The following HPCAL1 variants were observed in gnomAD, a reference collection of about 807,000 sequenced individuals.
HPCAL1 encodes the protein hippocalcin-like protein 1.
A neutral mutation model predicts 17.1 loss-of-function variants in HPCAL1; 8 were observed. That is an observed-to-expected ratio of 0.47 (90% CI 0.27 to 0.84). The LOEUF is 0.84. Among genes scored for constraint, HPCAL1 ranks in the 40% least tolerant of loss-of-function variants. HPCAL1 has a pLI of 0.13. For synonymous variants in HPCAL1, 112 were observed against 111.4 expected (o/e 1.01, Z -0.03); for missense variants, 165 against 271.1 (o/e 0.61, Z 2.75).
chr2:10,377,705 C>T lies in HPCAL1; in HGVS notation c.-110-19130C>T, dbSNP rs1231214954. ...ACTCTGAGGGCAGACCCTGGCCGGG[C>T]ACCAAGATACAAAAGGTTATGAGGG... On this transcript the variant is annotated intron_variant, in intron 1 of 4. Transcript: ENST00000307845. This position sits in a 1 kb window ranked among gnomAD's most constrained non-coding sequence, Gnocchi z 5.9. Among the ~76,000 whole-genome samples the T allele has an allele frequency of 1.3e-5, 2 of 152,076 alleles. No homozygotes were observed. Among genetic ancestry groups the T allele is most frequent in the Admixed American group, 6.5e-5 (1 of 15,276 alleles).
At chr2:10,345,551 G>A in intron 1 of HPCAL1, among the ~76,000 whole-genome samples, 1 of 151,006 alleles carries the variant, frequency 6.6e-6, no homozygotes, top group East Asian at 1.9e-4. Context: ...TGACTTCCCA[G>A]GCCCAAGCGA....
At chr2:10,366,392 C>T (rs1055280617) in intron 1 of HPCAL1, among the ~76,000 whole-genome samples, 18 of 152,182 alleles carry the variant, frequency 1.2e-4, no homozygotes, top group African/African-American at 4.3e-4. Context: ...CCCGCCACCA[C>T]ACCCAGCTAA....
chr2:10,410,568 A>G (rs904346857), intron 2 of HPCAL1, among the ~76,000 whole-genome samples: 10 of 150,826 alleles, frequency 6.6e-5, no homozygotes, highest in Non-Finnish European at 1.0e-4. Context: ...GTGAATTACA[A>G]CGTCATCTCT....
chr2:10,353,575 T>A (rs1157280714), intron 1 of HPCAL1, among the ~76,000 whole-genome samples: 2 of 152,238 alleles, frequency 1.3e-5, no homozygotes, highest in African/African-American at 2.4e-5. Flanking sequence ...TTAAATTTTT[T>A]AAATTTTTTT....
chr2:10,379,229 A>G (rs1250841505), intron 1 of HPCAL1, among the ~76,000 whole-genome samples: 3 of 151,976 alleles, frequency 2.0e-5, no homozygotes, highest in Non-Finnish European at 4.4e-5. Flanking sequence ...TTTGAAGTCC[A>G]GCCTTGCAGC....
At chr2:10,314,245 A>G (rs1438030680) in intron 1 of HPCAL1, among the ~76,000 whole-genome samples, 1 of 152,090 alleles carries the variant, frequency 6.6e-6, no homozygotes, top group African/African-American at 2.4e-5. Context: ...GAAACTGATA[A>G]CATTGAGGAA....
chr2:10,325,556 GCAGGTTTCCA>G (rs58483407), intron 1 of HPCAL1, among the ~76,000 whole-genome samples: 101,788 of 152,028 alleles, frequency 0.67, 34,357 homozygotes, highest in East Asian at 0.91. Context: ...CCTGCTCAGA[GCAGGTTTCCA>G]GCAACCTTCC....
chr2:10,374,750 G>A (rs987461918), intron 1 of HPCAL1, among the ~76,000 whole-genome samples: 5 of 152,254 alleles, frequency 3.3e-5, no homozygotes, highest in African/African-American at 4.8e-5. Flanking sequence ...ACCCTACGGC[G>A]TAGAGGAGGC....
In HPCAL1 at chr2:10,422,250, A is replaced by G. The variant is rs548255110; in HGVS notation, c.379-733A>G. On this transcript the variant is annotated intron_variant, in intron 3 of 4. Coordinates refer to ENST00000307845, the MANE Select transcript of HPCAL1 (RefSeq NM_002149.4). The stretch of plus-strand genomic sequence containing the variant: ...TGCTACCTCTTTCTCACAATGAGAA[A>G]ATGGTCTGTTGTCAGGAATGAGAAT... Among the ~76,000 whole-genome samples, 3 of 152,276 alleles carry G rather than the reference A, an allele frequency of 2.0e-5. No individual in the cohort carries two copies. In the South Asian group the frequency reaches 6.2e-4, roughly 32 times the overall value.
intron 1 of HPCAL1, among the ~76,000 whole-genome samples, chr2:10,364,568 C>A: frequency 6.6e-6 from 1 of 151,930 alleles, no homozygotes; most frequent in Non-Finnish European, 1.5e-5. Flanking sequence ...ACGGCCTCCT[C>A]TCCTAAGCTC....
intron 1 of HPCAL1, among the ~76,000 whole-genome samples, chr2:10,325,965 A>C (rs1663985742): frequency 6.6e-6 from 1 of 152,198 alleles, no homozygotes; most frequent in African/African-American, 2.4e-5. Context: ...TCTATGCAGG[A>C]AATAGGCTGT....
At position 10,362,774 on chromosome 2, in the gene HPCAL1, C is replaced by T. The variant is rs924457043; in HGVS notation, c.-110-34061C>T. Among the ~76,000 whole-genome samples, 1 of 152,196 alleles carries T rather than the reference C, an allele frequency of 6.6e-6. No homozygotes were observed. Among genetic ancestry groups the T allele is most frequent in the Non-Finnish European group, 1.5e-5 (1 of 68,038 alleles). On this transcript the variant is annotated intron_variant, in intron 1 of 4. Coordinates refer to ENST00000307845, the MANE Select transcript of HPCAL1 (RefSeq NM_002149.4). This position sits in a 1 kb window ranked among gnomAD's most constrained non-coding sequence, Gnocchi z 5.0. ...AGACGCTGAGGAGGGCAGCCAGAAG[C>T]CCCTGCATCAGGTAGGAGTGCTGAG... is the stretch of plus-strand genomic sequence containing the variant.
chr2:10,368,142 A>G (rs998330973), intron 1 of HPCAL1, among the ~76,000 whole-genome samples: 3 of 151,560 alleles, frequency 2.0e-5, no homozygotes, highest in African/African-American at 7.3e-5. Flanking sequence ...ATGTGTGCAC[A>G]CGTGCATGTG....
intron 1 of HPCAL1, among the ~76,000 whole-genome samples, chr2:10,312,690 T>TATCATCCCCATCCCCATCATCATCACC (rs1380583672): frequency 1.1e-4 from 15 of 133,266 alleles, no homozygotes; most frequent in Non-Finnish European, 2.1e-4. Flanking sequence ...TCATCATCAC[T>TATCATCCCCATCCCCATCATCATCACC]ATCATCCCCA....
intron 2 of HPCAL1, among the ~76,000 whole-genome samples, chr2:10,412,787 G>A (rs1421303836): frequency 6.6e-6 from 1 of 152,148 alleles, no homozygotes; most frequent in Non-Finnish European, 1.5e-5. Context: ...GGCCCCAGTT[G>A]CCCTGTTTCT....
rs190594463 is a variant in HPCAL1 at position 10,310,737 on chromosome 2, C to A, written c.-111+7560C>A. On this transcript the variant is annotated intron_variant, in intron 1 of 4. Transcript: ENST00000307845. The surrounding 1 kb of genome is among the most constrained non-coding windows in gnomAD (Gnocchi z 4.5). ...AGCATGGATCGGGTCTGGGAGTGTTCGTGCTGGCAGGCCGGAGGAGGACTG... is the reference window on the plus strand; with the variant it reads ...AGCATGGATCGGGTCTGGGAGTGTTAGTGCTGGCAGGCCGGAGGAGGACTG... 2.0e-5 allele frequency among the ~76,000 whole-genome samples: 3 copies of A among 152,188 alleles called. No homozygotes were observed. The highest frequency in any genetic ancestry group is 4.4e-5 in the Non-Finnish European group (3 of 68,018).
chr2:10,391,962 C>A (rs936140608), intron 1 of HPCAL1, among the ~76,000 whole-genome samples: 2 of 152,092 alleles, frequency 1.3e-5, no homozygotes, highest in Non-Finnish European at 1.5e-5. Flanking sequence ...CTTGTCCAGG[C>A]TGGTCTTGAA....
At chr2:10,397,202 T>C (rs1047004580) in intron 2 of HPCAL1, among the ~76,000 whole-genome samples, 1 of 150,950 alleles carries the variant, frequency 6.6e-6, no homozygotes, top group African/African-American at 2.4e-5. Context: ...TCGCGTGACC[T>C]TCGGTGCTTC....
intron 1 of HPCAL1, among the ~76,000 whole-genome samples, chr2:10,369,967 C>T (rs2125508194): frequency 6.6e-6 from 1 of 152,332 alleles, no homozygotes; most frequent in East Asian, 1.9e-4. Context: ...ATACTTAGCC[C>T]TTATCTCAAT....
Sources: gnomAD v4.1 joint callset for allele counts (sites outside exome capture counted in the v4.1 genomes callset) on GRCh38, gnomAD v4.1.1 for gene constraint, Gnocchi (gnomAD v3.1) non-coding constraint, MANE v1.5 for transcripts, NCBI Gene and HGNC (gene_info 2026-07-23, HGNC 2026-07-21) for gene names.